The following TNPO1 variants were observed in gnomAD, a reference collection of about 807,000 sequenced individuals.
The protein encoded by TNPO1 is transportin-1.
Under a neutral mutation model 119.5 loss-of-function variants are expected in TNPO1, and 8 were observed. The ratio of observed to expected loss-of-function variants is 0.07; its 90% CI spans 0.04 to 0.12. TNPO1 has a LOEUF of 0.12. TNPO1 is among the 10% of genes least tolerant of loss of function. TNPO1 has a pLI of 1.00. For missense variants in TNPO1, 576 were observed against 1,089.8 expected (o/e 0.53, Z 6.64); for synonymous variants, 362 against 363.0 (o/e 1.00, Z 0.03).
intron 1 of TNPO1, among the ~76,000 whole-genome samples, chr5:72,823,663 A>G (rs1744084802): frequency 6.6e-6 from 1 of 152,122 alleles, no homozygotes; most frequent in African/African-American, 2.4e-5. Context: ...TTTCATGATT[A>G]ATCAGTTTAA....
chr5:72,873,795 G>T (rs183558298), intron 7 of TNPO1, among the ~76,000 whole-genome samples: 170 of 152,136 alleles, frequency 1.1e-3, no homozygotes, highest in Middle Eastern at 0.01. Flanking sequence ...TCTGTAAAAT[G>T]AGTCAATAAT....
At chr5:72,878,195 GT>G (rs1228053564) in intron 9 of TNPO1, among the ~76,000 whole-genome samples, 1 of 151,978 alleles carries the variant, frequency 6.6e-6, no homozygotes, top group East Asian at 1.9e-4. Context: ...TATTTAGGTT[GT>G]TTTGGCTTTT....
chr5:72,891,270 T>C (rs1373264161), intron 14 of TNPO1, among the ~76,000 whole-genome samples: 3 of 152,000 alleles, frequency 2.0e-5, no homozygotes, highest in Admixed American at 1.3e-4. Context: ...ATCGACACCA[T>C]CCTGGCTAAC....
intron 24 of TNPO1, among the ~76,000 whole-genome samples, chr5:72,908,431 C>T (rs780391416): frequency 2.0e-5 from 3 of 152,166 alleles, no homozygotes; most frequent in Non-Finnish European, 4.4e-5. Flanking sequence ...TCATACGAGG[C>T]ATATTTCACT....
rs78432379 is a variant in TNPO1, at chr5:72,872,751, C to T, written c.678+31C>T. 1.6e-3 allele frequency: 2,461 copies of T among 1,512,436 alleles called. 28 individuals are homozygous for T. The African/African-American group carries it at 0.028, about 17-fold the overall frequency. 93.7% of individuals were successfully genotyped at this position (1,512,436 alleles called of 1,614,324 possible). A position where few individuals can be genotyped will look rare whatever the true frequency, so the allele number is the denominator to read the frequency against. The stretch of plus-strand genomic sequence containing the variant: ...ACTTGTTCTTGTCTCCCTCCCAACC[C>T]CCCAGCTTTTTTTTTTTGAGAAGGT... On this transcript the variant is annotated intron_variant, in intron 7 of 24. Transcript: ENST00000337273.
chr5:72,887,140 G>A lies in TNPO1; in HGVS notation c.1221G>A (p.Leu407=), dbSNP rs754644454. ...GTGATGAACTGCTGCCACATATTTT[G>A]CCCCTTTTGAAAGAATTACTTTTTC... ...VYRDELLPHI[L]PLLKELLFHH... The change falls in exon 12 of 25, where the codon TTG becomes TTA. Residue 407 remains leucine, a synonymous_variant. Transcript: ENST00000337273. 7 of 1,613,708 alleles carry A rather than the reference G, an allele frequency of 4.3e-6. No homozygotes were observed. The African/African-American group carries it at 8.0e-5, about 18-fold the overall frequency.
chr5:72,883,609 T>C (rs148992273), intron 11 of TNPO1, among the ~76,000 whole-genome samples: 2 of 152,268 alleles, frequency 1.3e-5, no homozygotes, highest in African/African-American at 4.8e-5. Context: ...TGAAATAATA[T>C]TTCATTGTAA....
chr5:72,901,550 T>A (rs1749796863), intron 22 of TNPO1, among the ~76,000 whole-genome samples: 1 of 152,242 alleles, frequency 6.6e-6, no homozygotes, highest in Non-Finnish European at 1.5e-5. Flanking sequence ...TATGATTTAT[T>A]CATCTTTGTT....
chr5:72,906,512 G>A (rs1382979925), intron 24 of TNPO1, among the ~76,000 whole-genome samples: 2 of 151,806 alleles, frequency 1.3e-5, no homozygotes, highest in African/African-American at 4.8e-5. Flanking sequence ...GGCTGGTCTC[G>A]AACTCCTGAC....
chr5:72,886,130 G>A (rs901905134), intron 11 of TNPO1, among the ~76,000 whole-genome samples: 1 of 152,078 alleles, frequency 6.6e-6, no homozygotes, highest in East Asian at 1.9e-4. Context: ...TCAGGAACAC[G>A]TTCCTACCCA....
Position 72,899,078 on chromosome 5 carries a change from A to G in TNPO1, c.2339-928A>G, listed in dbSNP as rs1749639531. Among the ~76,000 whole-genome samples the G allele has an allele frequency of 2.6e-5, 4 of 152,076 alleles. No homozygotes were observed. In the South Asian group the frequency reaches 6.2e-4, roughly 24 times the overall value. On this transcript the variant is annotated intron_variant, in intron 20 of 24. Coordinates refer to ENST00000337273, the MANE Select transcript of TNPO1 (RefSeq NM_002270.4). ...CTTTGTAAGTTTAAAGACTTCCTCA[A>G]TTTTTATGGTGAATATATGTTTGCC... is the stretch of plus-strand genomic sequence containing the variant.
At chr5:72,833,836 G>T (rs1485588752) in intron 1 of TNPO1, among the ~76,000 whole-genome samples, 1 of 152,124 alleles carries the variant, frequency 6.6e-6, no homozygotes, top group Non-Finnish European at 1.5e-5. Context: ...GAAAAATAAT[G>T]TGAACACTTA....
rs1330521762 is a variant in TNPO1, at chr5:72,911,098, A to C, written c.*2425A>C. On this transcript the variant is annotated 3_prime_UTR_variant, in exon 25 of 25. Transcript: ENST00000337273. ...CAAATACTTAGAATTCTAATATGAG[A>C]GATAGTTTAATATTCTGGAATAGAG... 1 of 152,050 alleles carries C rather than the reference A, an allele frequency of 6.6e-6. No homozygotes were observed. Among genetic ancestry groups the C allele is most frequent in the African/African-American group, 2.4e-5 (1 of 41,436 alleles). The allele number at this position is 152,050 out of a possible 1,614,324, so 9.4% of individuals were successfully genotyped here. A position where few individuals can be genotyped will look rare whatever the true frequency, so the allele number is the denominator to read the frequency against.
At chr5:72,870,574 G>A (rs139715427) in intron 6 of TNPO1, among the ~76,000 whole-genome samples, 50 of 152,278 alleles carry the variant, frequency 3.3e-4, no homozygotes, top group African/African-American at 1.2e-3. Context: ...ATTGTAAATG[G>A]TAGCATTTAA....
chr5:72,845,639 G>A lies in TNPO1; in HGVS notation c.16-2746G>A, dbSNP rs1745095948. Among the ~76,000 whole-genome samples, 3 of 152,316 alleles carry A rather than the reference G, an allele frequency of 2.0e-5. 1 individual carries two copies. The highest frequency in any genetic ancestry group is 4.4e-5 in the Non-Finnish European group (3 of 68,028). Reference sequence around the variant, plus strand: ...ATATTCTTGAGAGCCCTTTGTTACAGATAATTTGAGTAAGGTGTGGGGAAA... The same window carrying A: ...ATATTCTTGAGAGCCCTTTGTTACAAATAATTTGAGTAAGGTGTGGGGAAA... On this transcript the variant is annotated intron_variant, in intron 1 of 24. Coordinates refer to ENST00000337273, the MANE Select transcript of TNPO1 (RefSeq NM_002270.4).
chr5:72,889,338 G>A (rs765629744), intron 13 of TNPO1, among the ~76,000 whole-genome samples: 4 of 152,192 alleles, frequency 2.6e-5, no homozygotes, highest in East Asian at 1.9e-4. Flanking sequence ...GATTGCAGGC[G>A]TGAGCCACCG....
intron 4 of TNPO1, among the ~76,000 whole-genome samples, chr5:72,856,469 G>A (rs754823814): frequency 2.0e-5 from 3 of 152,096 alleles, no homozygotes; most frequent in Non-Finnish European, 4.4e-5. Context: ...CTGACCTCAG[G>A]TGATCCGCCT....
At chr5:72,856,246 G>GTT (rs200907299) in intron 4 of TNPO1, among the ~76,000 whole-genome samples, 1 of 150,576 alleles carries the variant, frequency 6.6e-6, no homozygotes, top group East Asian at 1.9e-4. Context: ...TTGTTTTTTT[G>GTT]TTTTTTTTTG....
chr5:72,890,685 C>T (rs1057318260), intron 14 of TNPO1, among the ~76,000 whole-genome samples: 1 of 151,950 alleles, frequency 6.6e-6, no homozygotes, highest in African/African-American at 2.4e-5. Flanking sequence ...AGTCTGTGCC[C>T]CTGTTTACAT....
Sources: gnomAD v4.1 joint callset for allele counts (sites outside exome capture counted in the v4.1 genomes callset) on GRCh38, gnomAD v4.1.1 for gene constraint, MANE v1.5 for transcripts, NCBI Gene and HGNC (gene_info 2026-07-23, HGNC 2026-07-21) for gene names.